The following HMG20A variants were observed in gnomAD, a reference collection of about 807,000 sequenced individuals.
HMG20A encodes high mobility group 20A, also known as high mobility group protein 20A.
A neutral mutation model predicts 43.9 loss-of-function variants in HMG20A; 17 were observed. The observed-to-expected ratio is 0.39, with a 90% confidence interval of 0.27 to 0.58. The LOEUF (loss-of-function observed/expected upper bound fraction) is 0.58. HMG20A is among the 20% of genes least tolerant of loss of function. HMG20A has a pLI of 0.59. For missense variants in HMG20A, 341 were observed against 438.2 expected (o/e 0.78, Z 1.98); for synonymous variants, 132 against 147.5 (o/e 0.89, Z 0.76).
chr15:77,452,359 G>A (rs1477501878), intron 1 of HMG20A, among the ~76,000 whole-genome samples: 1 of 152,216 alleles, frequency 6.6e-6, no homozygotes, highest in Admixed American at 6.5e-5. Flanking sequence ...AGTACAGTGA[G>A]TCAAGTATTA....
chr15:77,472,418 G>C (rs983036842), intron 6 of HMG20A, among the ~76,000 whole-genome samples: 7 of 152,142 alleles, frequency 4.6e-5, no homozygotes, highest in Non-Finnish European at 1.0e-4. Flanking sequence ...GGGACTACAG[G>C]CTCGTGCCAT....
intron 1 of HMG20A, among the ~76,000 whole-genome samples, chr15:77,437,428 G>C (rs1324286554): frequency 6.6e-6 from 1 of 152,186 alleles, no homozygotes; most frequent in Non-Finnish European, 1.5e-5. Flanking sequence ...GAGCATGAAG[G>C]AGTTGCTTGT....
Position 77,464,229 on chromosome 15 carries a change from C to A in HMG20A, c.90-11C>A. ...GTTTTTGTGTTGTTGATACTTCTGC[C>A]TATTATTCAGGTTAAATCACCCAGA... On this transcript the variant is annotated splice_polypyrimidine_tract_variant and intron_variant, in intron 2 of 9. Transcript: ENST00000336216. 1 of 1,612,514 alleles carries A rather than the reference C, an allele frequency of 6.2e-7. No homozygotes were observed. Among genetic ancestry groups the A allele is most frequent in the South Asian group, 1.1e-5 (1 of 90,864 alleles).
the HMG20A span, among the ~76,000 whole-genome samples, chr15:77,513,229 C>A: frequency 6.6e-6 from 1 of 152,192 alleles, no homozygotes; most frequent in Non-Finnish European, 1.5e-5. Context: ...CCTTCACTGG[C>A]TGCAATGAGG....
rs2073696044 is a variant in HMG20A, at chr15:77,448,174, C to T, written c.-4-10230C>T. 2.0e-5 allele frequency among the ~76,000 whole-genome samples: 3 copies of T among 152,138 alleles called. No individual in the cohort carries two copies. In the South Asian group the frequency reaches 6.2e-4, roughly 31 times the overall value. On this transcript the variant is annotated intron_variant, in intron 1 of 9. Transcript: ENST00000336216. ...TTGCAGTCGCTTCCCAAATGATTTC[C>T]TTACTTTCCCTTTTCCCTCTCCACC...
the HMG20A span, among the ~76,000 whole-genome samples, chr15:77,518,213 T>C: frequency 7.9e-5 from 12 of 152,064 alleles, no homozygotes; most frequent in Non-Finnish European, 2.9e-5. Flanking sequence ...AGAGTTCAAA[T>C]AGTGGAAGGC....
intron 1 of HMG20A, among the ~76,000 whole-genome samples, chr15:77,422,276 T>G (rs75145098): frequency 0.023 from 3,547 of 152,318 alleles, 58 homozygotes; most frequent in Non-Finnish European, 0.035. Context: ...CTTTTTCTTT[T>G]GGGATTGTAC....
rs1465888839 is a variant in HMG20A, at chr15:77,467,236, G to A, written c.379G>A (p.Glu127Lys). The A allele has an allele frequency of 6.2e-7, 1 of 1,614,146 alleles. No homozygotes were observed. The highest frequency in any genetic ancestry group is 1.7e-5 in the Admixed American group (1 of 60,012). Residue 127 changes from glutamate (E) to lysine (K), a missense_variant, in exon 4 of 10, where the codon GAA (glutamate) becomes AAA (lysine). By Grantham distance (56) the Glu-to-Lys change is moderately conservative (BLOSUM62 1). Coordinates refer to ENST00000336216, the MANE Select transcript of HMG20A (RefSeq NM_001304504.2). Reference protein sequence around the residue: ...RREQLRAKRPEVPFPEITRML... With the variant: ...RREQLRAKRPKVPFPEITRML... ...AGAACAACTTCGAGCAAAGAGACCAGAAGTCCCATTTCCAGAAATCACAAG... is the reference window on the plus strand; with the variant it reads ...AGAACAACTTCGAGCAAAGAGACCAAAAGTCCCATTTCCAGAAATCACAAG...
At chr15:77,432,281 T>G (rs2073493288) in intron 1 of HMG20A, among the ~76,000 whole-genome samples, 1 of 152,096 alleles carries the variant, frequency 6.6e-6, no homozygotes, top group African/African-American at 2.4e-5. Flanking sequence ...AATGAAAAAT[T>G]TATAGCCTTA....
rs147234021 is a variant in HMG20A at position 77,436,724 on chromosome 15, G to C, written c.-5+15720G>C. On this transcript the variant is annotated intron_variant, in intron 1 of 9. Coordinates refer to ENST00000336216, the MANE Select transcript of HMG20A (RefSeq NM_001304504.2). ...TCCACCTGCCTCAGCCTCCCAAAGT[G>C]CTGGGATTCAGGTGTGAGCCACCAC... Among the ~76,000 whole-genome samples the C allele has an allele frequency of 5.2e-3, 789 of 152,222 alleles. 5 individuals are homozygous for C. Among genetic ancestry groups the C allele is most frequent in the African/African-American group, 0.016 (683 of 41,534 alleles).
chr15:77,444,310 G>A (rs1344778606), intron 1 of HMG20A, among the ~76,000 whole-genome samples: 2 of 152,100 alleles, frequency 1.3e-5, no homozygotes, highest in Non-Finnish European at 2.9e-5. Flanking sequence ...ATTTAATGTT[G>A]AAAGAACAAA....
the HMG20A span, among the ~76,000 whole-genome samples, chr15:77,506,765 G>T: frequency 4.6e-5 from 7 of 152,244 alleles, no homozygotes; most frequent in Non-Finnish European, 1.0e-4. Flanking sequence ...GACCCTGGAG[G>T]GAGCCATCTG....
At chr15:77,464,588 C>T in intron 3 of HMG20A, 1 of 443,014 alleles carries the variant, frequency 2.3e-6, no homozygotes, top group Non-Finnish European at 4.2e-6. Context: ...CTCTTTTTTC[C>T]CTGTTCCCTA....
chr15:77,509,809 A>G, the HMG20A span, among the ~76,000 whole-genome samples: 1 of 151,506 alleles, frequency 6.6e-6, no homozygotes, highest in African/African-American at 2.4e-5. Flanking sequence ...TGGGAGGCTG[A>G]GTCAGGAGAA....
chr15:77,453,233 A>AAAT (rs558723624), intron 1 of HMG20A, among the ~76,000 whole-genome samples: 6 of 152,162 alleles, frequency 3.9e-5, no homozygotes, highest in East Asian at 3.8e-4. Context: ...TCTATCTAAA[A>AAAT]AATAATAATA....
the HMG20A span, among the ~76,000 whole-genome samples, chr15:77,516,696 G>T: frequency 6.6e-6 from 1 of 152,236 alleles, no homozygotes; most frequent in East Asian, 1.9e-4. Context: ...CCGAGGCTTT[G>T]CGAAGAGGGG....
chr15:77,436,332 G>C (rs2073547777), intron 1 of HMG20A, among the ~76,000 whole-genome samples: 1 of 152,028 alleles, frequency 6.6e-6, no homozygotes, highest in Admixed American at 6.6e-5. Flanking sequence ...ATATATCTCA[G>C]ATCCACCCTC....
chr15:77,505,480 G>A, the HMG20A span, among the ~76,000 whole-genome samples: 2 of 151,882 alleles, frequency 1.3e-5, no homozygotes, highest in African/African-American at 4.8e-5. Context: ...CTTGATCATA[G>A]GGCTCTGCCT....
intron 2 of HMG20A, among the ~76,000 whole-genome samples, chr15:77,460,857 G>C (rs1398187710): frequency 4.6e-5 from 7 of 152,152 alleles, no homozygotes; most frequent in African/African-American, 1.7e-4. Context: ...GTGGTGGCAC[G>C]TGCCTGTAAT....
Sources: gnomAD v4.1 joint callset for allele counts (sites outside exome capture counted in the v4.1 genomes callset) on GRCh38, gnomAD v4.1.1 for gene constraint, MANE v1.5 for transcripts, NCBI Gene and HGNC (gene_info 2026-07-23, HGNC 2026-07-21) for gene names.